Variants in MAF observed in about 807,000 individuals in gnomAD.
MAF encodes the protein transcription factor Maf.
Under a neutral mutation model 22.0 loss-of-function variants are expected in MAF, and 10 were observed. That is an observed-to-expected ratio of 0.45 (90% CI 0.28 to 0.77). The LOEUF (loss-of-function observed/expected upper bound fraction) is 0.77, where lower values mean the gene tolerates loss of function less well. Among genes scored for constraint, MAF ranks in the 30% least tolerant of loss-of-function variants. The pLI is 0.12. For missense variants in MAF, 544 were observed against 548.4 expected, an observed-to-expected ratio of 0.99 and a Z score of 0.08; for synonymous variants, 337 against 255.8, an observed-to-expected ratio of 1.32 and a Z score of -3.03.
chr16:79,473,145 C>A, the MAF span, among the ~76,000 whole-genome samples: 33 of 152,120 alleles, frequency 2.2e-4, no homozygotes, highest in Non-Finnish European at 4.4e-4. Context: ...ACACCCCTGG[C>A]TCAGCGTAGG....
the MAF span, among the ~76,000 whole-genome samples, chr16:79,306,492 G>A: frequency 6.6e-6 from 1 of 152,194 alleles, no homozygotes; most frequent in Non-Finnish European, 1.5e-5. Context: ...CTGGTAGAGA[G>A]GAAGAGAGGT....
the MAF span, among the ~76,000 whole-genome samples, chr16:79,273,363 CA>C: frequency 6.6e-6 from 1 of 152,240 alleles, no homozygotes; most frequent in Non-Finnish European, 1.5e-5. Context: ...TCATTGCTGC[CA>C]TGTGAACCTA....
At chr16:79,577,036 G>C in the MAF span, among the ~76,000 whole-genome samples, 1 of 152,000 alleles carries the variant, frequency 6.6e-6, no homozygotes, top group Non-Finnish European at 1.5e-5. Flanking sequence ...GGGTATTAAC[G>C]AAATGTGCCA....
chr16:79,420,949 G>A, the MAF span, among the ~76,000 whole-genome samples: 1 of 151,866 alleles, frequency 6.6e-6, no homozygotes. Context: ...CAGGAGAATC[G>A]CTGGAACCCG....
the MAF span, among the ~76,000 whole-genome samples, chr16:79,338,506 G>A: frequency 6.6e-6 from 1 of 152,180 alleles, no homozygotes; most frequent in Non-Finnish European, 1.5e-5. Flanking sequence ...AAATCTCGCG[G>A]TTAAAGATAT....
chr16:79,211,636 G>A, the MAF span: 75 of 1,614,046 alleles, frequency 4.6e-5, no homozygotes, highest in Non-Finnish European at 6.3e-5. Context: ...ACCGTGTACT[G>A]TGCTGCTGTC....
chr16:79,502,876 G>T, the MAF span, among the ~76,000 whole-genome samples: 1,599 of 150,208 alleles, frequency 0.011, 15 homozygotes, highest in Middle Eastern at 0.041. Flanking sequence ...TAACGTGGTG[G>T]TTACATGGGA....
At chr16:79,579,566 A>C in the MAF span, among the ~76,000 whole-genome samples, 1 of 152,200 alleles carries the variant, frequency 6.6e-6, no homozygotes, top group Non-Finnish European at 1.5e-5. Context: ...CCAAAAGAAA[A>C]AGGAAAAAGG....
At chr16:79,444,177 A>G in the MAF span, among the ~76,000 whole-genome samples, 2 of 152,058 alleles carry the variant, frequency 1.3e-5, no homozygotes, top group Non-Finnish European at 2.9e-5. Context: ...CTCTATTATT[A>G]TCATTTACAC....
At chr16:79,416,589 G>A in the MAF span, among the ~76,000 whole-genome samples, 5 of 152,014 alleles carry the variant, frequency 3.3e-5, no homozygotes, top group East Asian at 7.7e-4. Flanking sequence ...AGGAGGGAGT[G>A]GCCGTACCCC....
the MAF span, among the ~76,000 whole-genome samples, chr16:79,428,419 C>G: frequency 1.3e-5 from 2 of 152,180 alleles, no homozygotes; most frequent in South Asian, 4.1e-4. Flanking sequence ...GACAATGTTG[C>G]ACGGGACGTG....
the MAF span, among the ~76,000 whole-genome samples, chr16:79,473,570 C>T: frequency 6.6e-6 from 1 of 152,176 alleles, no homozygotes; most frequent in African/African-American, 2.4e-5. Context: ...TACCAGCCTC[C>T]TACCCACTGC....
chr16:79,582,285 T>A (rs945484961), downstream of MAF, among the ~76,000 whole-genome samples: 5 of 152,344 alleles, frequency 3.3e-5, no homozygotes, highest in African/African-American at 1.2e-4. Flanking sequence ...ACGGCGGCAG[T>A]AAATCGGAGA....
the MAF span, among the ~76,000 whole-genome samples, chr16:79,394,045 C>T: frequency 3.3e-5 from 5 of 152,270 alleles, no homozygotes; most frequent in South Asian, 2.1e-4. Flanking sequence ...AGGAGACGAA[C>T]GCTTCACCAC....
chr16:79,480,178 G>A, the MAF span, among the ~76,000 whole-genome samples: 1 of 152,050 alleles, frequency 6.6e-6, no homozygotes, highest in African/African-American at 2.4e-5. Context: ...GTAAACGCGT[G>A]AGTATCCACT....
the MAF span, among the ~76,000 whole-genome samples, chr16:79,363,384 G>C: frequency 6.6e-6 from 1 of 152,170 alleles, no homozygotes; most frequent in Non-Finnish European, 1.5e-5. Flanking sequence ...GCTTAGCCTA[G>C]CCTGTCTTAA....
the MAF span, among the ~76,000 whole-genome samples, chr16:79,334,947 G>A: frequency 1.3e-5 from 2 of 151,876 alleles, no homozygotes; most frequent in Admixed American, 6.6e-5. Context: ...AGCACTTTGG[G>A]AGGCTGAGGC....
the MAF span, among the ~76,000 whole-genome samples, chr16:79,245,084 T>C: frequency 6.6e-6 from 1 of 152,030 alleles, no homozygotes; most frequent in Non-Finnish European, 1.5e-5. Context: ...AATTAAAGAC[T>C]TAAATGTAAG....
the MAF span, among the ~76,000 whole-genome samples, chr16:79,524,123 G>A: frequency 3.9e-5 from 6 of 152,300 alleles, no homozygotes; most frequent in South Asian, 2.1e-4. Context: ...ATCCAACTGC[G>A]CCCATCAGCA....
Sources: gnomAD v4.1 joint callset for allele counts (sites outside exome capture counted in the v4.1 genomes callset) on GRCh38, gnomAD v4.1.1 for gene constraint, MANE v1.5 for transcripts, NCBI Gene and HGNC (gene_info 2026-07-23, HGNC 2026-07-21) for gene names.